The following CTNNA3 variants were observed in gnomAD, a reference collection of about 807,000 sequenced individuals.
CTNNA3 encodes the protein catenin alpha 3, also known as catenin alpha-3.
CTNNA3 carries 76 observed loss-of-function variants against 95.7 expected under a neutral mutation model. The ratio of observed to expected loss-of-function variants is 0.79; its 90% CI spans 0.66 to 0.96. CTNNA3 has a LOEUF of 0.96. Ranked by LOEUF, CTNNA3 falls within the 40% of genes least tolerant of loss-of-function variation. CTNNA3 has a pLI of 0.00. For synonymous variants in CTNNA3, 431 were observed against 374.4 expected (o/e 1.15, Z -1.74); for missense variants, 1,191 against 1,089.8 (o/e 1.09, Z -1.31).
chr10:65,999,058 A>G (rs1185901388), intron 15 of CTNNA3, among the ~76,000 whole-genome samples: 1 of 152,150 alleles, frequency 6.6e-6, no homozygotes. Flanking sequence ...ATTTTCTCTG[A>G]ATCTGCTGAC....
At chr10:66,404,917 C>T (rs908527678) in intron 11 of CTNNA3, among the ~76,000 whole-genome samples, 2 of 151,946 alleles carry the variant, frequency 1.3e-5, no homozygotes, top group South Asian at 4.1e-4. Context: ...TGGTTAGGGG[C>T]AGAACATTCC....
intron 1 of CTNNA3, among the ~76,000 whole-genome samples, chr10:67,675,165 C>T (rs551546503): frequency 1.6e-4 from 25 of 151,924 alleles, no homozygotes; most frequent in Middle Eastern, 3.4e-3. Context: ...TTGGATTGTT[C>T]GTTTTTTGAT....
At chr10:67,608,616 A>G (rs1343400302) in intron 2 of CTNNA3, among the ~76,000 whole-genome samples, 1 of 152,200 alleles carries the variant, frequency 6.6e-6, no homozygotes, top group Non-Finnish European at 1.5e-5. Flanking sequence ...CACAGGGTAC[A>G]CCATAAATAT....
At chr10:66,634,599 G>C (rs1219736161) in intron 9 of CTNNA3, among the ~76,000 whole-genome samples, 4 of 151,710 alleles carry the variant, frequency 2.6e-5, no homozygotes, top group Admixed American at 6.6e-5. Context: ...GTGTGTGTGT[G>C]TGTGTGTGTC....
intron 8 of CTNNA3, among the ~76,000 whole-genome samples, chr10:66,771,500 T>C (rs1472847144): frequency 6.6e-6 from 1 of 152,048 alleles, no homozygotes; most frequent in Non-Finnish European, 1.5e-5. Flanking sequence ...AAGAAAATAA[T>C]ACATGATGGT....
At chr10:66,859,262 C>G (rs1035306017) in intron 7 of CTNNA3, among the ~76,000 whole-genome samples, 1 of 151,952 alleles carries the variant, frequency 6.6e-6, no homozygotes. Flanking sequence ...TCACAACCTA[C>G]TCATCTGACA....
At chr10:67,353,839 A>G (rs1842720496) in intron 5 of CTNNA3, among the ~76,000 whole-genome samples, 1 of 152,072 alleles carries the variant, frequency 6.6e-6, no homozygotes, top group Admixed American at 6.6e-5. Context: ...AGTCATCACT[A>G]AAGACTGGAA....
chr10:65,944,854 G>GTCTGTCTA (rs1554818822), intron 17 of CTNNA3, among the ~76,000 whole-genome samples: 1 of 144,852 alleles, frequency 6.9e-6, no homozygotes, highest in Non-Finnish European at 1.5e-5. Flanking sequence ...GAAAATATCT[G>GTCTGTCTA]TCTATCTATC....
intron 7 of CTNNA3, among the ~76,000 whole-genome samples, chr10:66,806,349 G>A (rs1464087800): frequency 6.6e-6 from 1 of 150,874 alleles, no homozygotes; most frequent in Non-Finnish European, 1.5e-5. Context: ...ATTTCTATCA[G>A]TGCCATATAA....
chr10:66,502,317 T>C (rs1840303678), intron 11 of CTNNA3, among the ~76,000 whole-genome samples: 1 of 152,206 alleles, frequency 6.6e-6, no homozygotes, highest in African/African-American at 2.4e-5. Flanking sequence ...GACTCATCTA[T>C]GTCACTTGGC....
At position 66,179,984 on chromosome 10, in the gene CTNNA3, T is replaced by A. The variant is rs1012070325; in HGVS notation, c.1885-76735A>T. On this transcript the variant is annotated intron_variant, in intron 13 of 17. Coordinates refer to ENST00000433211, the MANE Select transcript of CTNNA3 (RefSeq NM_013266.4). ...ATGTGCCAGCTTTGCTTTTTTTCTA[T>A]CTTAGAAATTTATAAAAAATTAAGT... 5.9e-5 allele frequency among the ~76,000 whole-genome samples: 9 copies of A among 152,262 alleles called. No individual in the cohort carries two copies. The South Asian group carries it at 1.7e-3, about 28-fold the overall frequency.
intron 5 of CTNNA3, among the ~76,000 whole-genome samples, chr10:67,230,721 G>T (rs1286700860): frequency 6.6e-6 from 1 of 152,198 alleles, no homozygotes; most frequent in African/African-American, 2.4e-5. Flanking sequence ...CAGCTTGAGC[G>T]ACGCAGAAGA....
chr10:67,752,276 C>G (rs1841411675), intron 1 of CTNNA3, among the ~76,000 whole-genome samples: 1 of 152,170 alleles, frequency 6.6e-6, no homozygotes, highest in Non-Finnish European at 1.5e-5. Flanking sequence ...TTTAACATCC[C>G]TTCATGTTAA....
At chr10:66,909,856 C>T (rs557449640) in intron 7 of CTNNA3, among the ~76,000 whole-genome samples, 3 of 152,220 alleles carry the variant, frequency 2.0e-5, no homozygotes, top group African/African-American at 7.2e-5. Context: ...GCTACTTCTG[C>T]ATCATCTTAA....
chr10:66,134,566 A>G (rs1014749440), intron 13 of CTNNA3, among the ~76,000 whole-genome samples: 1 of 152,154 alleles, frequency 6.6e-6, no homozygotes, highest in African/African-American at 2.4e-5. Context: ...AGGTATCAGA[A>G]GCATTTTCTG....
intron 14 of CTNNA3, among the ~76,000 whole-genome samples, chr10:66,074,395 C>T (rs891823934): frequency 1.3e-5 from 2 of 151,818 alleles, no homozygotes; most frequent in Non-Finnish European, 2.9e-5. Flanking sequence ...ATTAGTACAT[C>T]ACAGGGATCA....
At chr10:66,203,071 A>G (rs1309174049) in intron 13 of CTNNA3, among the ~76,000 whole-genome samples, 1 of 152,192 alleles carries the variant, frequency 6.6e-6, no homozygotes, top group African/African-American at 2.4e-5. Flanking sequence ...AAAATTACAA[A>G]CAAAACTTTA....
intron 15 of CTNNA3, among the ~76,000 whole-genome samples, chr10:66,004,069 C>T (rs2078830027): frequency 2.0e-5 from 3 of 152,190 alleles, no homozygotes; most frequent in Admixed American, 2.0e-4. Flanking sequence ...AGGTCAGTTT[C>T]AAATGAATAG....
chr10:66,290,021 T>C (rs536877136), intron 12 of CTNNA3, among the ~76,000 whole-genome samples: 1 of 152,034 alleles, frequency 6.6e-6, no homozygotes, highest in Non-Finnish European at 1.5e-5. Flanking sequence ...GAAATTCATT[T>C]GAAAAGAATA....
Sources: gnomAD v4.1 joint callset for allele counts (sites outside exome capture counted in the v4.1 genomes callset) on GRCh38, gnomAD v4.1.1 for gene constraint, MANE v1.5 for transcripts, NCBI Gene and HGNC (gene_info 2026-07-23, HGNC 2026-07-21) for gene names.